HDX: variants seen among roughly 807,000 people sequenced by gnomAD.
HDX encodes the protein highly divergent homeobox.
Under a neutral mutation model 45.2 loss-of-function variants are expected in HDX, and 19 were observed. That is an observed-to-expected ratio of 0.42 (90% CI 0.29 to 0.62). The LOEUF is 0.62. HDX is among the 20% of genes least tolerant of loss of function. The pLI, the probability that HDX is intolerant of heterozygous loss-of-function variation, is 0.20. For synonymous variants in HDX, 188 were observed against 172.8 expected (o/e 1.09, Z -0.69); for missense variants, 532 against 493.9 (o/e 1.08, Z -0.73).
At chrX:84,379,312 C>T (rs905234748) in intron 5 of HDX, among the ~76,000 whole-genome samples, 8 of 110,423 alleles carry the variant, frequency 7.2e-5, no homozygotes, top group Non-Finnish European at 1.5e-4. Context: ...CCACTTTCAT[C>T]ATTGGACAGG....
intron 5 of HDX, among the ~76,000 whole-genome samples, chrX:84,398,161 G>C (rs974050352): frequency 1.8e-5 from 2 of 110,455 alleles, no homozygotes; most frequent in Non-Finnish European, 3.8e-5. Context: ...TGAAGAAACT[G>C]CATCAACTAG....
chrX:84,460,498 T>C (rs2040216118), intron 4 of HDX, among the ~76,000 whole-genome samples: 1 of 111,661 alleles, frequency 9.0e-6, no homozygotes, highest in African/African-American at 3.3e-5. Flanking sequence ...TATCGCTTCA[T>C]GATAAAAAGA....
intron 4 of HDX, among the ~76,000 whole-genome samples, chrX:84,453,467 G>C (rs1273841264): frequency 8.9e-6 from 1 of 111,833 alleles, no homozygotes; most frequent in Non-Finnish European, 1.9e-5. Context: ...ATGCTGACCT[G>C]TCAGCAGAAG....
intron 4 of HDX, among the ~76,000 whole-genome samples, chrX:84,457,072 C>T (rs189433060): frequency 4.5e-5 from 5 of 111,813 alleles, no homozygotes; most frequent in African/African-American, 1.3e-4. Flanking sequence ...GCAGAATACA[C>T]ATTCTTCCCC....
In HDX at chrX:84,387,097, C is replaced by T. The variant is rs183792352; in HGVS notation, c.1306-25485G>A. 2.8e-4 allele frequency among the ~76,000 whole-genome samples: 31 copies of T among 111,517 alleles called. No homozygotes were observed. The East Asian group carries it at 8.2e-3, about 29-fold the overall frequency. On this transcript the variant is annotated intron_variant, in intron 5 of 10. Transcript: ENST00000373177. ...TTTTGACTTAAGTTTGATGTTAACC[C>T]AGGAATTATTAAGAAACACTTTGTC...
chrX:84,417,000 C>T (rs2039118139), intron 5 of HDX, among the ~76,000 whole-genome samples: 1 of 108,427 alleles, frequency 9.2e-6, no homozygotes, highest in African/African-American at 3.4e-5. Context: ...ACTAAAAATA[C>T]AAAAATTAGC....
rs2037626342 is a variant in HDX at position 84,361,676 on chromosome X, T to C, written c.1306-64A>G. ...TTTAGAATAATCAAAGGAAATAATA[T>C]TATAAAGAGAAGCATCAGGGTGAGA... On this transcript the variant is annotated intron_variant, in intron 5 of 10. Coordinates refer to ENST00000373177, the MANE Select transcript of HDX (RefSeq NM_001177479.2). 7.7e-6 allele frequency: 7 copies of C among 903,669 alleles called. No homozygotes were observed. In the Admixed American group the frequency reaches 2.4e-4, roughly 31 times the overall value. 74.5% of individuals were successfully genotyped at this position (903,669 alleles called of 1,213,427 possible). A position where few individuals can be genotyped will look rare whatever the true frequency, so the allele number is the denominator to read the frequency against.
chrX:84,451,994 T>C (rs2040008776), intron 4 of HDX, among the ~76,000 whole-genome samples: 1 of 110,685 alleles, frequency 9.0e-6, no homozygotes, highest in South Asian at 3.8e-4. Flanking sequence ...AAAAACAACA[T>C]AGTGGGCCCA....
chrX:84,433,245 T>A (rs367864017), intron 5 of HDX, among the ~76,000 whole-genome samples: 4 of 111,721 alleles, frequency 3.6e-5, no homozygotes, highest in Admixed American at 9.5e-5. Context: ...TTTCCTGACC[T>A]GCTGTTTGTT....
At chrX:84,414,234 C>G (rs776773107) in intron 5 of HDX, among the ~76,000 whole-genome samples, 3 of 111,264 alleles carry the variant, frequency 2.7e-5, no homozygotes, top group Non-Finnish European at 5.7e-5. Context: ...TCAGATCTTC[C>G]CCTAGAGATT....
chrX:84,385,405 G>A (rs1274419086), intron 5 of HDX, among the ~76,000 whole-genome samples: 1 of 105,239 alleles, frequency 9.5e-6, no homozygotes, highest in African/African-American at 3.5e-5. Context: ...AGTAGAGACG[G>A]GGTTTCACCG....
chrX:84,435,268 T>A (rs1190124459), intron 5 of HDX, among the ~76,000 whole-genome samples: 1 of 111,794 alleles, frequency 8.9e-6, no homozygotes, highest in Admixed American at 9.5e-5. Context: ...TGGTGTGAGA[T>A]GATATCTCAT....
intron 5 of HDX, among the ~76,000 whole-genome samples, chrX:84,376,067 A>G (rs1428998814): frequency 8.9e-6 from 1 of 112,313 alleles, no homozygotes; most frequent in Admixed American, 9.4e-5. Context: ...ACTGGAGATT[A>G]TGATTTAACA....
chrX:84,458,454 A>G (rs974927385), intron 4 of HDX, among the ~76,000 whole-genome samples: 1 of 112,278 alleles, frequency 8.9e-6, no homozygotes, highest in African/African-American at 3.2e-5. Flanking sequence ...TTTAAGTTTT[A>G]AAACATAAAT....
chrX:84,413,694 G>T (rs1375031383), intron 5 of HDX, among the ~76,000 whole-genome samples: 1 of 111,761 alleles, frequency 8.9e-6, no homozygotes, highest in African/African-American at 3.2e-5. Flanking sequence ...ATATGACATC[G>T]TATTATTCCT....
intron 5 of HDX, among the ~76,000 whole-genome samples, chrX:84,362,107 T>C (rs2037635955): frequency 9.0e-6 from 1 of 111,450 alleles, no homozygotes; most frequent in Admixed American, 9.6e-5. Context: ...GATATTAGTT[T>C]CCTATTGATA....
At chrX:84,346,069 T>C (rs2037195476) in intron 6 of HDX, among the ~76,000 whole-genome samples, 1 of 111,683 alleles carries the variant, frequency 9.0e-6, no homozygotes, top group Non-Finnish European at 1.9e-5. Flanking sequence ...GCTTGAATTT[T>C]TATCCTATTA....
intron 1 of HDX, among the ~76,000 whole-genome samples, chrX:84,493,789 T>G (rs1485402988): frequency 2.7e-5 from 3 of 111,738 alleles, no homozygotes; most frequent in Non-Finnish European, 5.7e-5. Context: ...ACCTAGTATT[T>G]GATAGCACAA....
At chrX:84,349,833 G>A in intron 6 of HDX, among the ~76,000 whole-genome samples, 1 of 109,126 alleles carries the variant, frequency 9.2e-6, no homozygotes, top group Non-Finnish European at 1.9e-5. Flanking sequence ...AATAACACAT[G>A]ATATCACTTG....
Sources: allele counts gnomAD v4.1 joint callset (sites outside exome capture counted in the v4.1 genomes callset), GRCh38; gene constraint gnomAD v4.1.1; transcripts MANE v1.5; gene names NCBI Gene and HGNC (gene_info 2026-07-23, HGNC 2026-07-21).